Variants in STPG2 observed in about 807,000 individuals in gnomAD.
The protein encoded by STPG2 is sperm tail PG-rich repeat containing 2, also known as sperm-tail PG-rich repeat-containing protein 2.
Under a neutral mutation model 54.2 loss-of-function variants are expected in STPG2, and 56 were observed. The observed-to-expected ratio is 1.03, with a 90% CI of 0.83 to 1.29. The LOEUF (loss-of-function observed/expected upper bound fraction) is 1.29, where lower values mean the gene tolerates loss of function less well. Ranked by LOEUF, STPG2 falls within the 50% of genes most tolerant of loss-of-function variation. The pLI, the probability that STPG2 is intolerant of heterozygous loss-of-function variation, is 0.00. For missense variants in STPG2, 596 were observed against 544.9 expected (o/e 1.09, Z -0.93); for synonymous variants, 200 against 181.8 (o/e 1.10, Z -0.81).
intron 4 of STPG2, among the ~76,000 whole-genome samples, chr4:97,520,065 C>G (rs1364977911): frequency 6.6e-6 from 1 of 151,842 alleles, no homozygotes; most frequent in African/African-American, 2.4e-5. Context: ...TCAATACATA[C>G]AAAGTGGGGG....
chr4:97,640,926 C>T lies in STPG2; in HGVS notation c.1320+71773G>A, dbSNP rs559490849. Among the ~76,000 whole-genome samples, 13 of 151,604 alleles carry T rather than the reference C, an allele frequency of 8.6e-5. No homozygotes were observed. The East Asian group carries it at 2.5e-3, about 29-fold the overall frequency. On this transcript the variant is annotated intron_variant, in intron 10 of 10. Transcript: ENST00000295268. ...CAAGGTTAGGCATAAACATAGACTACATATCCTGCAAGATAAAGAATTATG... is the reference window on the plus strand; with the variant it reads ...CAAGGTTAGGCATAAACATAGACTATATATCCTGCAAGATAAAGAATTATG...
At chr4:98,126,268 A>C (rs1466876297) in intron 3 of STPG2, among the ~76,000 whole-genome samples, 1 of 152,092 alleles carries the variant, frequency 6.6e-6, no homozygotes, top group Non-Finnish European at 1.5e-5. Flanking sequence ...AGTATGAAAA[A>C]CAACTCCTGC....
At chr4:97,698,555 G>A (rs1414614295) in intron 10 of STPG2, among the ~76,000 whole-genome samples, 3 of 152,138 alleles carry the variant, frequency 2.0e-5, no homozygotes. Flanking sequence ...CTAGCAAAAT[G>A]TAATGTCGTG....
chr4:97,787,862 G>T (rs780217056), intron 9 of STPG2, among the ~76,000 whole-genome samples: 18 of 151,400 alleles, frequency 1.2e-4, no homozygotes, highest in Non-Finnish European at 4.4e-5. Flanking sequence ...TATATAAGCT[G>T]TCAAATTCTT....
chr4:98,103,620 A>G (rs1463493360), intron 5 of STPG2, among the ~76,000 whole-genome samples: 1 of 150,586 alleles, frequency 6.6e-6, no homozygotes, highest in East Asian at 1.9e-4. Context: ...CAGCCTGGGC[A>G]AGAAAAGCAA....
At chr4:97,906,730 G>T (rs1172867977) in intron 8 of STPG2, among the ~76,000 whole-genome samples, 1 of 151,836 alleles carries the variant, frequency 6.6e-6, no homozygotes, top group Non-Finnish European at 1.5e-5. Flanking sequence ...ATCAATAAAT[G>T]TAATCCAGCA....
intron 9 of STPG2, among the ~76,000 whole-genome samples, chr4:97,799,468 T>C (rs1183339810): frequency 6.6e-6 from 1 of 152,162 alleles, no homozygotes; most frequent in Non-Finnish European, 1.5e-5. Context: ...ATATGAAATT[T>C]TGGGTTGAAA....
At chr4:97,846,690 T>A (rs1362174923) in intron 8 of STPG2, among the ~76,000 whole-genome samples, 3 of 139,412 alleles carry the variant, frequency 2.2e-5, no homozygotes, top group African/African-American at 8.2e-5. Flanking sequence ...AAAGGCAGAG[T>A]GAAATCTCAG....
At chr4:97,722,120 G>T (rs1384011007) in intron 9 of STPG2, among the ~76,000 whole-genome samples, 3 of 148,122 alleles carry the variant, frequency 2.0e-5, no homozygotes, top group Admixed American at 6.7e-5. Flanking sequence ...AAGCATATTT[G>T]GTCTTTGCTT....
chr4:98,025,260 T>G, intron 5 of STPG2: 1 of 176,564 alleles, frequency 5.7e-6, no homozygotes, highest in Non-Finnish European at 1.2e-5. Flanking sequence ...TAGCTTTGCT[T>G]TGTTAGGTGG....
chr4:97,922,943 G>A (rs1732162913), intron 8 of STPG2, among the ~76,000 whole-genome samples: 1 of 151,698 alleles, frequency 6.6e-6, no homozygotes, highest in Non-Finnish European at 1.5e-5. Context: ...TTGCATCTCT[G>A]GCCTTTTCCT....
chr4:97,868,955 A>C (rs1193670894), intron 8 of STPG2, among the ~76,000 whole-genome samples: 1 of 151,932 alleles, frequency 6.6e-6, no homozygotes, highest in Admixed American at 6.6e-5. Context: ...CTTATCTCAC[A>C]TTATGCCAGA....
intron 8 of STPG2, among the ~76,000 whole-genome samples, chr4:97,895,393 C>G (rs1447706872): frequency 2.6e-5 from 4 of 151,786 alleles, no homozygotes; most frequent in South Asian, 2.1e-4. Context: ...TCCTATGCAA[C>G]TGAAAAAAGC....
intron 8 of STPG2, among the ~76,000 whole-genome samples, chr4:97,943,147 G>A (rs550963013): frequency 6.6e-6 from 1 of 152,156 alleles, no homozygotes; most frequent in Non-Finnish European, 1.5e-5. Context: ...GAGCCTGCCT[G>A]GGCCTATTTT....
chr4:97,610,474 A>G (rs1431740234), intron 10 of STPG2, among the ~76,000 whole-genome samples: 2 of 152,096 alleles, frequency 1.3e-5, no homozygotes, highest in African/African-American at 2.4e-5. Flanking sequence ...TGTACTGGAC[A>G]TAACAAATTA....
At chr4:98,073,390 C>T (rs756323415) in intron 5 of STPG2, among the ~76,000 whole-genome samples, 3 of 151,802 alleles carry the variant, frequency 2.0e-5, no homozygotes, top group Non-Finnish European at 4.4e-5. Flanking sequence ...CAGCAGTGTT[C>T]ATAACATTGA....
At chr4:97,505,197 T>C (rs1730818182) in intron 4 of STPG2, among the ~76,000 whole-genome samples, 1 of 152,014 alleles carries the variant, frequency 6.6e-6, no homozygotes, top group African/African-American at 2.4e-5. Flanking sequence ...CTTTCATTTT[T>C]TTCTTTTGTC....
At chr4:97,788,740 C>CT (rs1464330618) in intron 9 of STPG2, among the ~76,000 whole-genome samples, 1 of 151,930 alleles carries the variant, frequency 6.6e-6, no homozygotes, top group African/African-American at 2.4e-5. Context: ...AGCATTCTTG[C>CT]TTTTTTAATG....
At chr4:98,049,253 T>C (rs1177844514) in intron 5 of STPG2, among the ~76,000 whole-genome samples, 2 of 152,174 alleles carry the variant, frequency 1.3e-5, no homozygotes, top group Non-Finnish European at 2.9e-5. Flanking sequence ...AGTTTTAGAA[T>C]AAAATGTAGC....
Sources: gnomAD v4.1 joint callset for allele counts (sites outside exome capture counted in the v4.1 genomes callset) on GRCh38, gnomAD v4.1.1 for gene constraint, MANE v1.5 for transcripts, NCBI Gene and HGNC (gene_info 2026-07-23, HGNC 2026-07-21) for gene names.